The following CDH18 variants were observed in gnomAD, a reference collection of about 807,000 sequenced individuals.
CDH18 encodes the protein cadherin 18, also known as cadherin-18.
A neutral mutation model predicts 67.9 loss-of-function variants in CDH18; 31 were observed. That is an observed-to-expected ratio of 0.46 (90% CI 0.34 to 0.62). CDH18 has a LOEUF of 0.62. CDH18 is among the 20% of genes least tolerant of loss of function. The pLI, the probability that CDH18 is intolerant of heterozygous loss-of-function variation, is 0.01. For missense variants in CDH18, 890 were observed against 975.5 expected (o/e 0.91, Z 1.17); for synonymous variants, 362 against 347.2 (o/e 1.04, Z -0.48).
At chr5:20,533,101 GACACTC>G (rs1289324183) in intron 1 of CDH18, among the ~76,000 whole-genome samples, 1 of 152,028 alleles carries the variant, frequency 6.6e-6, no homozygotes, top group Admixed American at 6.6e-5. Flanking sequence ...TTTGGAAACA[GACACTC>G]ACTCGGGGAG....
intron 2 of CDH18, among the ~76,000 whole-genome samples, chr5:19,865,503 G>A (rs1038485066): frequency 8.5e-5 from 13 of 152,066 alleles, no homozygotes; most frequent in African/African-American, 2.9e-4. Flanking sequence ...GACAGGTGGG[G>A]GCGGTGGAGG....
intron 4 of CDH18, among the ~76,000 whole-genome samples, chr5:19,740,973 G>A (rs1769032715): frequency 6.6e-6 from 1 of 151,892 alleles, no homozygotes; most frequent in African/African-American, 2.4e-5. Flanking sequence ...AATTTGCATT[G>A]ATCAAATATG....
intron 1 of CDH18, among the ~76,000 whole-genome samples, chr5:20,467,776 A>C (rs916990376): frequency 2.6e-5 from 4 of 152,176 alleles, no homozygotes; most frequent in African/African-American, 9.7e-5. Context: ...TGGCTCAAAT[A>C]ACTGTCTATA....
In CDH18 at chr5:20,420,063, A is replaced by G. The variant is rs577990660; in HGVS notation, c.-580+155399T>C. Among the ~76,000 whole-genome samples, 25 of 151,228 alleles carry G rather than the reference A, an allele frequency of 1.7e-4. 1 individual carries two copies. The highest frequency in any genetic ancestry group is 5.4e-4 in the African/African-American group (22 of 40,550). On this transcript the variant is annotated intron_variant, in intron 1 of 14. Transcript: ENST00000507958. Reference sequence around the variant, plus strand: ...TAGTACTCTTAGAGTAATGCTGAACATTCACCACCACAGCAGATTATGTGA... The same window carrying G: ...TAGTACTCTTAGAGTAATGCTGAACGTTCACCACCACAGCAGATTATGTGA...
At chr5:20,202,052 A>G (rs186990903) in intron 2 of CDH18, among the ~76,000 whole-genome samples, 2 of 152,300 alleles carry the variant, frequency 1.3e-5, no homozygotes, top group Admixed American at 1.3e-4. Context: ...AATGTGGACT[A>G]GGATTTAAAA....
chr5:20,004,693 T>A (rs998423175), intron 2 of CDH18, among the ~76,000 whole-genome samples: 1 of 152,200 alleles, frequency 6.6e-6, no homozygotes, highest in African/African-American at 2.4e-5. Context: ...AATAGTTCAA[T>A]AGATGGGTTG....
At chr5:19,882,082 G>A (rs539133758) in intron 2 of CDH18, among the ~76,000 whole-genome samples, 10 of 152,166 alleles carry the variant, frequency 6.6e-5, no homozygotes, top group Middle Eastern at 3.4e-3. Flanking sequence ...ATTATTGCCA[G>A]GTTTGATCTC....
At chr5:19,619,482 C>G (rs1750360869) in intron 5 of CDH18, among the ~76,000 whole-genome samples, 12 of 152,022 alleles carry the variant, frequency 7.9e-5, no homozygotes, top group Admixed American at 7.9e-4. Context: ...GCAGGGTATT[C>G]ATGGAAAGGG....
chr5:20,038,281 G>A (rs1299476447), intron 2 of CDH18, among the ~76,000 whole-genome samples: 1 of 152,118 alleles, frequency 6.6e-6, no homozygotes, highest in African/African-American at 2.4e-5. Flanking sequence ...ATGAAGAGGA[G>A]CTGGTACCAT....
intron 1 of CDH18, among the ~76,000 whole-genome samples, chr5:20,260,180 T>G (rs1744541116): frequency 6.6e-6 from 1 of 151,344 alleles, no homozygotes; most frequent in Admixed American, 6.6e-5. Context: ...AGGTACTAGT[T>G]ATTGCTGTCC....
chr5:19,965,166 T>C (rs1797305229), intron 2 of CDH18, among the ~76,000 whole-genome samples: 1 of 152,130 alleles, frequency 6.6e-6, no homozygotes, highest in African/African-American at 2.4e-5. Context: ...AAACAATAGA[T>C]CTATCTCACT....
intron 1 of CDH18, among the ~76,000 whole-genome samples, chr5:20,281,284 T>C (rs1204395170): frequency 6.6e-6 from 1 of 152,226 alleles, no homozygotes; most frequent in Non-Finnish European, 1.5e-5. Flanking sequence ...TCCTTGCCCA[T>C]GCCTATGTCC....
chr5:19,833,861 G>T (rs1323184071), intron 3 of CDH18, among the ~76,000 whole-genome samples: 1 of 152,120 alleles, frequency 6.6e-6, no homozygotes, highest in Non-Finnish European at 1.5e-5. Flanking sequence ...TTGAATCCCA[G>T]GGATGAAGCT....
rs534165267 is a variant in CDH18, at chr5:20,139,598, A to G, written c.-518+115846T>C. Among the ~76,000 whole-genome samples, 96 of 152,320 alleles carry G rather than the reference A, an allele frequency of 6.3e-4. No individual in the cohort carries two copies. The South Asian group carries it at 0.017, about 27-fold the overall frequency. The stretch of plus-strand genomic sequence containing the variant: ...CAAAGGGCTGATATCCAGAATCTAC[A>G]AAGAACTCAAACAAATTTACAAGAA... On this transcript the variant is annotated intron_variant, in intron 2 of 14. Transcript: ENST00000507958.
At chr5:19,815,603 T>C (rs1779208515) in intron 3 of CDH18, among the ~76,000 whole-genome samples, 1 of 151,846 alleles carries the variant, frequency 6.6e-6, no homozygotes, top group Non-Finnish European at 1.5e-5. Context: ...TAATGAAAAA[T>C]ATAGAATAAG....
At chr5:19,860,801 C>T (rs1475742077) in intron 2 of CDH18, among the ~76,000 whole-genome samples, 1 of 151,988 alleles carries the variant, frequency 6.6e-6, no homozygotes, top group Non-Finnish European at 1.5e-5. Flanking sequence ...AACCTAAATA[C>T]ACATAACCGA....
At chr5:19,645,559 T>C (rs1192343203) in intron 5 of CDH18, among the ~76,000 whole-genome samples, 1 of 152,222 alleles carries the variant, frequency 6.6e-6, no homozygotes, top group Non-Finnish European at 1.5e-5. Flanking sequence ...TCTTATCCTG[T>C]ATAGGCTAAG....
intron 2 of CDH18, among the ~76,000 whole-genome samples, chr5:20,052,684 T>C (rs1434657371): frequency 2.6e-5 from 4 of 152,080 alleles, no homozygotes. Flanking sequence ...TATCAAAATA[T>C]ATCAGTAACA....
intron 1 of CDH18, among the ~76,000 whole-genome samples, chr5:20,389,320 C>T (rs1395241446): frequency 6.6e-6 from 1 of 152,096 alleles, no homozygotes; most frequent in African/African-American, 2.4e-5. Flanking sequence ...CCTTCTTTGT[C>T]TCTTTTGATC....
Sources: gnomAD v4.1 joint callset for allele counts (sites outside exome capture counted in the v4.1 genomes callset) on GRCh38, gnomAD v4.1.1 for gene constraint, MANE v1.5 for transcripts, NCBI Gene and HGNC (gene_info 2026-07-23, HGNC 2026-07-21) for gene names.